Variants in YAE1 observed in about 807,000 individuals in gnomAD.
The protein encoded by YAE1 is protein YAE1 homolog.
A neutral mutation model predicts 23.0 loss-of-function variants in YAE1; 22 were observed. The observed-to-expected ratio is 0.96, with a 90% CI of 0.68 to 1.37. YAE1 has a LOEUF of 1.37. YAE1 is among the 40% of genes most tolerant of loss of function. The pLI, the probability that YAE1 is intolerant of heterozygous loss-of-function variation, is 0.00. For missense variants in YAE1, 260 were observed against 262.1 expected (o/e 0.99, Z 0.06); for synonymous variants, 101 against 97.0 (o/e 1.04, Z -0.24).
At chr7:39,578,934 T>C (rs1304794439) in intron 2 of YAE1, among the ~76,000 whole-genome samples, 4 of 152,236 alleles carry the variant, frequency 2.6e-5, no homozygotes, top group African/African-American at 7.2e-5. Flanking sequence ...TACAAAATTA[T>C]GTTTTAGTAT....
chr7:39,594,994 G>A (rs1790955125), intron 2 of YAE1, among the ~76,000 whole-genome samples: 1 of 152,158 alleles, frequency 6.6e-6, no homozygotes, highest in Non-Finnish European at 1.5e-5. Context: ...AGGTTATGAT[G>A]TTACGCTTTG....
At chr7:39,593,172 T>C (rs1031649980) in intron 2 of YAE1, among the ~76,000 whole-genome samples, 1 of 135,546 alleles carries the variant, frequency 7.4e-6, no homozygotes, top group Non-Finnish European at 1.5e-5. Context: ...TCCATTTGGT[T>C]ATTTCTTTTT....
chr7:39,604,676 T>A (rs998769702), intron 2 of YAE1, among the ~76,000 whole-genome samples: 1 of 152,208 alleles, frequency 6.6e-6, no homozygotes, highest in Non-Finnish European at 1.5e-5. Flanking sequence ...ATGGTTTCAG[T>A]GGTTTTTTCA....
At chr7:39,590,604 A>T (rs1433831613) in intron 2 of YAE1, among the ~76,000 whole-genome samples, 2 of 152,232 alleles carry the variant, frequency 1.3e-5, no homozygotes, top group Non-Finnish European at 2.9e-5. Context: ...AAGTCTAAAC[A>T]TGACATTCAT....
intron 2 of YAE1, among the ~76,000 whole-genome samples, chr7:39,604,011 C>T (rs1791092031): frequency 6.6e-6 from 1 of 152,164 alleles, no homozygotes; most frequent in East Asian, 1.9e-4. Context: ...AACCTTAATT[C>T]AACTTGACTT....
chr7:39,587,375 C>CA lies in YAE1; in HGVS notation c.251+16758dup, dbSNP rs1224240224. On this transcript the variant is annotated intron_variant, in intron 2 of 2. Coordinates refer to the YAE1 transcript ENST00000432096. ...TGGGCAACAGAGCGAGACTCTGGCT[C>CA]AAAAAAAAAAGAAAAAGAAAAAAAG... is the stretch of plus-strand genomic sequence containing the variant. Among the ~76,000 whole-genome samples, 135 of 142,238 alleles carry CA rather than the reference C, an allele frequency of 9.5e-4. No homozygotes were observed. In the Middle Eastern group the frequency reaches 0.01, roughly 11 times the overall value. The allele number at this position is 142,238 out of a possible 152,430, so 93.3% of individuals were successfully genotyped here.
At chr7:39,575,585 TGTG>T (rs1790646097), downstream of YAE1, among the ~76,000 whole-genome samples, 1 of 142,696 alleles carries the variant, frequency 7.0e-6, no homozygotes, top group African/African-American at 2.6e-5. Context: ...AGAGTGAGTG[TGTG>T]TGTGTGTATA....
At position 39,572,763 on chromosome 7, in the gene YAE1, T is replaced by A; in HGVS notation, c.*57T>A. 6.6e-7 allele frequency: 1 copy of A among 1,514,416 alleles called. No individual in the cohort carries two copies. Among genetic ancestry groups the A allele is most frequent in the South Asian group, 1.4e-5 (1 of 72,658 alleles). 93.8% of individuals were successfully genotyped at this position (1,514,416 alleles called of 1,614,324 possible). A position where few individuals can be genotyped will look rare whatever the true frequency, so the allele number is the denominator to read the frequency against. On this transcript the variant is annotated 3_prime_UTR_variant, in exon 3 of 3. Coordinates refer to ENST00000223273, the MANE Select transcript of YAE1 (RefSeq NM_020192.5). ...TTCAGAACATTTGGTTTCCTAACAA[T>A]CGAAATTTGTACTGGTTTCTGCATC...
chr7:39,597,359 C>T (rs186453745), intron 2 of YAE1, among the ~76,000 whole-genome samples: 4 of 152,148 alleles, frequency 2.6e-5, no homozygotes, highest in Admixed American at 6.5e-5. Flanking sequence ...TGCTTGAGCC[C>T]AAGAGTTTGA....
At chr7:39,604,658 C>T (rs1791103719) in intron 2 of YAE1, among the ~76,000 whole-genome samples, 1 of 152,098 alleles carries the variant, frequency 6.6e-6, no homozygotes, top group Non-Finnish European at 1.5e-5. Flanking sequence ...GTTATATAGT[C>T]ATAAATAATG....
intron 1 of YAE1, among the ~76,000 whole-genome samples, chr7:39,568,194 T>C (rs1294341549): frequency 1.3e-5 from 2 of 151,906 alleles, no homozygotes; most frequent in Non-Finnish European, 2.9e-5. Flanking sequence ...GCTGAGGTCA[T>C]GCCACTGCAC....
intron 2 of YAE1, among the ~76,000 whole-genome samples, chr7:39,583,382 A>G (rs1414676453): frequency 6.6e-6 from 1 of 152,178 alleles, no homozygotes; most frequent in East Asian, 1.9e-4. Flanking sequence ...AAACAGGGGT[A>G]ACTCTTAGCC....
At chr7:39,589,422 C>T (rs531382843) in intron 2 of YAE1, among the ~76,000 whole-genome samples, 23 of 152,038 alleles carry the variant, frequency 1.5e-4, no homozygotes, top group Non-Finnish European at 3.1e-4. Context: ...CATGCACCAC[C>T]ACGCCTGGCT....
intron 2 of YAE1, among the ~76,000 whole-genome samples, chr7:39,607,867 C>T (rs945351897): frequency 6.6e-6 from 1 of 152,154 alleles, no homozygotes; most frequent in Non-Finnish European, 1.5e-5. Context: ...CGGGGTTTTA[C>T]CATGTTCACC....
intron 2 of YAE1, among the ~76,000 whole-genome samples, chr7:39,599,233 G>T (rs1309286350): frequency 6.6e-6 from 1 of 150,834 alleles, no homozygotes; most frequent in East Asian, 1.9e-4. Flanking sequence ...GAGAGACATG[G>T]TCTCAAAAAA....
intron 2 of YAE1, among the ~76,000 whole-genome samples, chr7:39,590,361 T>C (rs150908371): frequency 1.4e-3 from 208 of 152,304 alleles, no homozygotes; most frequent in Middle Eastern, 6.8e-3. Context: ...GTCAGATAAT[T>C]GCTAAGGGTT....
downstream of YAE1, among the ~76,000 whole-genome samples, chr7:39,576,251 T>G (rs1790655985): frequency 6.6e-6 from 1 of 152,232 alleles, no homozygotes; most frequent in Non-Finnish European, 1.5e-5. Flanking sequence ...ACCAGCCTCA[T>G]CACTAATGTC....
intron 2 of YAE1, among the ~76,000 whole-genome samples, chr7:39,580,187 A>G (rs1351179764): frequency 2.0e-5 from 3 of 152,354 alleles, no homozygotes; most frequent in East Asian, 1.9e-4. Flanking sequence ...TAGCACATAT[A>G]CTAAAGGAGA....
chr7:39,588,571 C>G (rs957195171), intron 2 of YAE1, among the ~76,000 whole-genome samples: 5 of 151,480 alleles, frequency 3.3e-5, no homozygotes, highest in Non-Finnish European at 2.9e-5. Flanking sequence ...GCACAGTAGT[C>G]GCAGGAAACA....
Sources: gnomAD v4.1 joint callset for allele counts (sites outside exome capture counted in the v4.1 genomes callset) on GRCh38, gnomAD v4.1.1 for gene constraint, MANE v1.5 for transcripts, NCBI Gene and HGNC (gene_info 2026-07-23, HGNC 2026-07-21) for gene names.